TIAM1: variants seen among roughly 807,000 people sequenced by gnomAD.
TIAM1 encodes rho guanine nucleotide exchange factor TIAM1.
In TIAM1, 65 loss-of-function variants were observed where a neutral mutation model predicts 163.5. That is an observed-to-expected ratio of 0.40 (90% CI 0.33 to 0.49). The LOEUF is 0.49. Among genes scored for constraint, TIAM1 ranks in the 20% least tolerant of loss-of-function variants. The pLI is 0.77. For missense variants in TIAM1, 1,789 were observed against 2,044.7 expected, an observed-to-expected ratio of 0.87 and a Z score of 2.41; for synonymous variants, 833 against 810.1, an observed-to-expected ratio of 1.03 and a Z score of -0.48.
chr21:31,343,100 G>A (rs2076067890), intron 1 of TIAM1, among the ~76,000 whole-genome samples: 2 of 152,176 alleles, frequency 1.3e-5, no homozygotes, highest in Non-Finnish European at 2.9e-5. Flanking sequence ...CTCAAAGTAA[G>A]ATGATTCTGT....
chr21:31,490,481 AC>A (rs1227163030), intron 1 of TIAM1, among the ~76,000 whole-genome samples: 1 of 152,078 alleles, frequency 6.6e-6, no homozygotes, highest in African/African-American at 2.4e-5. Flanking sequence ...TCCCAAGAGC[AC>A]CCCTTGGATG....
At chr21:31,208,514 A>G (rs2146543571) in intron 11 of TIAM1, among the ~76,000 whole-genome samples, 1 of 152,368 alleles carries the variant, frequency 6.6e-6, no homozygotes, top group South Asian at 2.1e-4. Context: ...AGTAATTAAC[A>G]TGAAAAAATT....
At chr21:31,192,790 G>A (rs893696992) in intron 13 of TIAM1, among the ~76,000 whole-genome samples, 2 of 152,064 alleles carry the variant, frequency 1.3e-5, no homozygotes, top group African/African-American at 4.8e-5. Context: ...CCAATGAATT[G>A]GGAGTGGGAC....
intron 2 of TIAM1, among the ~76,000 whole-genome samples, chr21:31,460,708 C>T (rs867844568): frequency 6.6e-6 from 1 of 152,194 alleles, no homozygotes; most frequent in Non-Finnish European, 1.5e-5. Flanking sequence ...TTCATCCACC[C>T]AAACTTAAGC....
At chr21:31,397,347 G>T (rs1419118328) in intron 2 of TIAM1, among the ~76,000 whole-genome samples, 1 of 152,118 alleles carries the variant, frequency 6.6e-6, no homozygotes, top group Non-Finnish European at 1.5e-5. Context: ...TTCCTATACA[G>T]ATCTTTTTGC....
chr21:31,405,033 G>C (rs998103237), intron 2 of TIAM1, among the ~76,000 whole-genome samples: 3 of 152,008 alleles, frequency 2.0e-5, no homozygotes, highest in Non-Finnish European at 4.4e-5. Flanking sequence ...CTTGAGCCCA[G>C]GAGTTTGAGA....
chr21:31,192,163 C>T (rs561590616), intron 13 of TIAM1, among the ~76,000 whole-genome samples: 5 of 152,288 alleles, frequency 3.3e-5, no homozygotes, highest in South Asian at 2.1e-4. Context: ...AAAGTTATAA[C>T]GCAAGTGGCC....
intron 14 of TIAM1, among the ~76,000 whole-genome samples, chr21:31,185,995 G>A (rs1282474714): frequency 2.6e-5 from 4 of 152,084 alleles, no homozygotes; most frequent in Admixed American, 6.5e-5. Flanking sequence ...CCTCCTAAAC[G>A]GCGAGAGGAT....
intron 2 of TIAM1, among the ~76,000 whole-genome samples, chr21:31,463,446 C>T (rs747740137): frequency 6.6e-6 from 1 of 152,134 alleles, no homozygotes; most frequent in Non-Finnish European, 1.5e-5. Flanking sequence ...TCGCCAGCAC[C>T]CTCATCACTG....
chr21:31,415,186 T>C (rs532884354), intron 2 of TIAM1, among the ~76,000 whole-genome samples: 3 of 152,312 alleles, frequency 2.0e-5, no homozygotes, highest in Admixed American at 1.3e-4. Flanking sequence ...AAAATCCCAC[T>C]ATCCCATATA....
At chr21:31,187,723 C>T (rs547929691) in intron 13 of TIAM1, among the ~76,000 whole-genome samples, 32 of 152,262 alleles carry the variant, frequency 2.1e-4, no homozygotes, top group African/African-American at 7.0e-4. Flanking sequence ...GGCTCTGCTA[C>T]ATACTTCAGA....
rs142945108 is a variant in TIAM1 at position 31,387,582 on chromosome 21, G to A, written c.-368-48160C>T. On this transcript the variant is annotated intron_variant, in intron 2 of 28. Transcript: ENST00000286827. ...CACTGTCTTCTGACGATGTTGGGAAGGGGAAAAGAGGAATCAGTCCTTGTC... is the reference window on the plus strand; with the variant it reads ...CACTGTCTTCTGACGATGTTGGGAAAGGGAAAAGAGGAATCAGTCCTTGTC... 8.9e-4 allele frequency among the ~76,000 whole-genome samples: 136 copies of A among 152,098 alleles called. 1 individual carries two copies. Among genetic ancestry groups the A allele is most frequent in the African/African-American group, 2.9e-3 (120 of 41,504 alleles).
At chr21:31,334,174 A>T (rs1381262766) in intron 2 of TIAM1, among the ~76,000 whole-genome samples, 1 of 152,172 alleles carries the variant, frequency 6.6e-6, no homozygotes, top group Non-Finnish European at 1.5e-5. Context: ...AAACCACGAA[A>T]AATCCATTTT....
intron 2 of TIAM1, among the ~76,000 whole-genome samples, chr21:31,432,611 G>A (rs969717540): frequency 1.3e-5 from 2 of 152,196 alleles, no homozygotes; most frequent in African/African-American, 4.8e-5. Flanking sequence ...CACTTGTAAA[G>A]ACTGGAAAGA....
At chr21:31,443,165 T>C (rs1012087935) in intron 2 of TIAM1, among the ~76,000 whole-genome samples, 1 of 152,202 alleles carries the variant, frequency 6.6e-6, no homozygotes, top group African/African-American at 2.4e-5. Context: ...TGGAAAGGAA[T>C]GGGTTACAAA....
chr21:31,374,833 A>G (rs2076656983), intron 2 of TIAM1, among the ~76,000 whole-genome samples: 2 of 152,256 alleles, frequency 1.3e-5, no homozygotes, highest in Non-Finnish European at 2.9e-5. Flanking sequence ...TAAAAGAAAA[A>G]CAAATATTCG....
chr21:31,374,253 AAC>A (rs1282634451), intron 2 of TIAM1, among the ~76,000 whole-genome samples: 1 of 152,164 alleles, frequency 6.6e-6, no homozygotes, highest in African/African-American at 2.4e-5. Context: ...GATCCCATAA[AAC>A]AGATACTGGG....
chr21:31,434,478 G>A (rs111267066), intron 2 of TIAM1, among the ~76,000 whole-genome samples: 159 of 152,282 alleles, frequency 1.0e-3, no homozygotes, highest in African/African-American at 3.5e-3. Flanking sequence ...ATGCTAAAGC[G>A]TTTGCTTCTT....
intron 1 of TIAM1, among the ~76,000 whole-genome samples, chr21:31,496,963 A>G (rs1602420608): frequency 6.6e-6 from 1 of 152,218 alleles, no homozygotes; most frequent in African/African-American, 2.4e-5. Context: ...CATCCCTCGC[A>G]TGAGCAGTTC....
Sources: allele counts gnomAD v4.1 joint callset (sites outside exome capture counted in the v4.1 genomes callset), GRCh38; gene constraint gnomAD v4.1.1; transcripts MANE v1.5; gene names NCBI Gene and HGNC (gene_info 2026-07-23, HGNC 2026-07-21).